PCDHGB1: variants seen among roughly 807,000 people sequenced by gnomAD.
PCDHGB1 encodes the protein protocadherin gamma-B1.
A neutral mutation model predicts 56.6 loss-of-function variants in PCDHGB1; 34 were observed. That is an observed-to-expected ratio of 0.60 (90% confidence interval 0.46 to 0.80). The LOEUF is 0.80. PCDHGB1 is among the 30% of genes least tolerant of loss of function. PCDHGB1 has a pLI of 0.00. For synonymous variants in PCDHGB1, 561 were observed against 505.9 expected, an observed-to-expected ratio of 1.11 and a Z score of -1.46; for missense variants, 1,278 against 1,204.6, an observed-to-expected ratio of 1.06 and a Z score of -0.90.
chr5:141,374,815 G>T, intron 1 of PCDHGB1: 1 of 1,613,934 alleles, frequency 6.2e-7, no homozygotes, highest in Non-Finnish European at 8.5e-7. Context: ...TGTTTACTCA[G>T]CCTGTCTACC....
At chr5:141,465,150 G>A (rs192648619) in intron 1 of PCDHGB1, among the ~76,000 whole-genome samples, 474 of 151,492 alleles carry the variant, frequency 3.1e-3, no homozygotes, top group Middle Eastern at 0.024. Context: ...GATATATGAA[G>A]GGACTCTAAA....
In PCDHGB1 at chr5:141,477,229, C is replaced by G. The variant is rs1376731101; in HGVS notation, c.2410-17578C>G. The G allele has an allele frequency of 6.2e-7, 1 of 1,614,222 alleles. No homozygotes were observed. The highest frequency in any genetic ancestry group is 8.5e-7 in the Non-Finnish European group (1 of 1,180,052). On this transcript the variant is annotated intron_variant, in intron 1 of 3. Transcript: ENST00000523390. This position sits in a 1 kb window ranked among gnomAD's most constrained non-coding sequence, Gnocchi z 4.9. ...AGGATGCCCCTCTGGGGACTGTCAT[C>G]GCTTTGCTCAGTGTGACTGACCTGG...
intron 1 of PCDHGB1, chr5:141,398,413 T>G (rs774602022): frequency 1.3e-6 from 2 of 1,490,692 alleles, no homozygotes; most frequent in South Asian, 1.1e-5. Context: ...GGAGGAGATA[T>G]GCGGGAAGAA....
chr5:141,477,878 C>T lies in PCDHGB1; in HGVS notation c.2410-16929C>T. On this transcript the variant is annotated intron_variant, in intron 1 of 3. Coordinates refer to ENST00000523390, the MANE Select transcript of PCDHGB1 (RefSeq NM_018922.3). The surrounding 1 kb of genome is among the most constrained non-coding windows in gnomAD (Gnocchi z 4.9). ...GCTGCCTCGAGGTACCTCAGCTGGC[C>T]ACCTAGTGTCACGGGTGGTAGGCTG... 2.5e-6 allele frequency: 4 copies of T among 1,614,158 alleles called. No individual in the cohort carries two copies. Among genetic ancestry groups the T allele is most frequent in the Non-Finnish European group, 3.4e-6 (4 of 1,180,008 alleles).
chr5:141,423,226 G>A lies in PCDHGB1; in HGVS notation c.2409+70557G>A, dbSNP rs775936938. On this transcript the variant is annotated intron_variant, in intron 1 of 3. Coordinates refer to ENST00000523390, the MANE Select transcript of PCDHGB1 (RefSeq NM_018922.3). The stretch of plus-strand genomic sequence containing the variant: ...CGTCACGCTCACCGTGGCTGTGGCC[G>A]ACAGCATCCCCGAAGTCCTGGCGGA... The A allele has an allele frequency of 2.2e-5, 36 of 1,613,708 alleles. No homozygotes were observed. The highest frequency in any genetic ancestry group is 2.6e-5 in the Non-Finnish European group (31 of 1,180,034).
chr5:141,474,405 G>C (rs2099348833), intron 1 of PCDHGB1, among the ~76,000 whole-genome samples: 1 of 152,196 alleles, frequency 6.6e-6, no homozygotes, highest in Admixed American at 6.5e-5. Context: ...AAGCTCCCCG[G>C]TGATGCCTAG....
intron 1 of PCDHGB1, among the ~76,000 whole-genome samples, chr5:141,446,948 T>C (rs1166868490): frequency 6.6e-6 from 1 of 152,186 alleles, no homozygotes; most frequent in African/African-American, 2.4e-5. Context: ...GTAAGAAACA[T>C]CCAGCACCCA....
Position 141,409,135 on chromosome 5 carries a change from T to C in PCDHGB1, c.2409+56466T>C, listed in dbSNP as rs748247175. 3.1e-6 allele frequency: 5 copies of C among 1,614,026 alleles called. No homozygotes were observed. In the South Asian group the frequency reaches 3.3e-5, roughly 11 times the overall value. On this transcript the variant is annotated intron_variant, in intron 1 of 3. Coordinates refer to ENST00000523390, the MANE Select transcript of PCDHGB1 (RefSeq NM_018922.3). ...ATAACCAGTCATTTGATTTTGAAGA[T>C]GTAGAAAGGTACACCATGGAAGTGG...
At chr5:141,452,412 T>G (rs1009940351) in intron 1 of PCDHGB1, among the ~76,000 whole-genome samples, 2 of 152,222 alleles carry the variant, frequency 1.3e-5, no homozygotes, top group Non-Finnish European at 2.9e-5. Context: ...GTGTGAGGTA[T>G]GCTCACTGCT....
chr5:141,436,383 G>A (rs1374382672), intron 1 of PCDHGB1, among the ~76,000 whole-genome samples: 1 of 152,104 alleles, frequency 6.6e-6, no homozygotes, highest in Admixed American at 6.5e-5. Flanking sequence ...AGCTGAATAG[G>A]CTTTATTAAA....
chr5:141,363,028 C>A (rs1346880305), intron 1 of PCDHGB1, among the ~76,000 whole-genome samples: 1 of 152,190 alleles, frequency 6.6e-6, no homozygotes, highest in African/African-American at 2.4e-5. Flanking sequence ...GGACATTGTC[C>A]CATTGACTTG....
At chr5:141,415,420 G>A in intron 1 of PCDHGB1, 2 of 1,614,226 alleles carry the variant, frequency 1.2e-6, no homozygotes, top group Non-Finnish European at 1.7e-6. Flanking sequence ...GGGCGTGGAC[G>A]GGGTTCGGGC....
chr5:141,385,110 C>A (rs1315178545), intron 1 of PCDHGB1: 2 of 1,614,076 alleles, frequency 1.2e-6, no homozygotes, highest in African/African-American at 2.7e-5. Context: ...ACGTGCCCAC[C>A]TCGCACTTTG....
At chr5:141,438,914 C>T (rs1249997741) in intron 1 of PCDHGB1, among the ~76,000 whole-genome samples, 1 of 151,906 alleles carries the variant, frequency 6.6e-6, no homozygotes, top group Non-Finnish European at 1.5e-5. Flanking sequence ...GATCCACCTG[C>T]CTTGGCCTCC....
intron 1 of PCDHGB1, chr5:141,372,232 A>G: frequency 6.2e-7 from 1 of 1,613,396 alleles, no homozygotes; most frequent in Non-Finnish European, 8.5e-7. Context: ...CAGGCCAGCG[A>G]GCCCGGGCTG....
chr5:141,470,297 T>A (rs2099227289), intron 1 of PCDHGB1, among the ~76,000 whole-genome samples: 2 of 152,348 alleles, frequency 1.3e-5, no homozygotes, highest in Admixed American at 1.3e-4. Flanking sequence ...TAACTGTTTT[T>A]ATTCCATTTT....
rs758065876 is a variant in PCDHGB1 at position 141,422,916 on chromosome 5, C to A, written c.2409+70247C>A. 5.6e-6 allele frequency: 9 copies of A among 1,614,260 alleles called. No homozygotes were observed. In the South Asian group the frequency reaches 9.9e-5, roughly 18 times the overall value. ...ACCAGAACGACAATGCGCCCGAGAT[C>A]CTGTACCCTGCCCTCCCCACAGACG... On this transcript the variant is annotated intron_variant, in intron 1 of 3. Coordinates refer to ENST00000523390, the MANE Select transcript of PCDHGB1 (RefSeq NM_018922.3).
chr5:141,434,449 G>C (rs1392115883), intron 1 of PCDHGB1, among the ~76,000 whole-genome samples: 1 of 152,232 alleles, frequency 6.6e-6, no homozygotes, highest in Non-Finnish European at 1.5e-5. Context: ...ATGCTGGAAG[G>C]TAGTGGGTTT....
At chr5:141,420,190 A>T in intron 1 of PCDHGB1, 3 of 1,613,922 alleles carry the variant, frequency 1.9e-6, no homozygotes, top group Non-Finnish European at 2.5e-6. Flanking sequence ...GTCCAGCCAC[A>T]CAAGATAACC....
Sources: allele counts gnomAD v4.1 joint callset (sites outside exome capture counted in the v4.1 genomes callset), GRCh38; gene constraint gnomAD v4.1.1; non-coding constraint Gnocchi (gnomAD v3.1); transcripts MANE v1.5; gene names NCBI Gene and HGNC (gene_info 2026-07-23, HGNC 2026-07-21).